Variants in THSD7B observed in about 807,000 individuals in gnomAD.
THSD7B encodes the protein thrombospondin type-1 domain-containing protein 7B.
In THSD7B, 138 loss-of-function variants were observed where a neutral mutation model predicts 213.6. The ratio of observed to expected loss-of-function variants is 0.65; its 90% CI spans 0.56 to 0.74. THSD7B has a LOEUF of 0.74. THSD7B is among the 30% of genes least tolerant of loss of function. The pLI is 0.00. For missense variants in THSD7B, 1,931 were observed against 1,991.5 expected, an observed-to-expected ratio of 0.97 and a Z score of 0.58; for synonymous variants, 742 against 687.0, an observed-to-expected ratio of 1.08 and a Z score of -1.25.
intron 3 of THSD7B, among the ~76,000 whole-genome samples, chr2:137,081,331 A>T (rs933442768): frequency 6.6e-6 from 1 of 152,060 alleles, no homozygotes; most frequent in African/African-American, 2.4e-5. Context: ...AAATATAGGT[A>T]TGTTGGACTA....
intron 26 of THSD7B, among the ~76,000 whole-genome samples, chr2:137,666,188 T>C (rs1348570023): frequency 6.6e-6 from 1 of 152,086 alleles, no homozygotes; most frequent in Admixed American, 6.5e-5. Flanking sequence ...ACCTCTAAAC[T>C]GAGTATTTAA....
At chr2:136,934,290 A>G (rs1405558395) in intron 2 of THSD7B, among the ~76,000 whole-genome samples, 2 of 152,178 alleles carry the variant, frequency 1.3e-5, no homozygotes, top group Admixed American at 6.5e-5. Flanking sequence ...GCATTGCCAC[A>G]TATTTTTATT....
intron 1 of THSD7B, among the ~76,000 whole-genome samples, chr2:136,876,536 AG>A (rs1401656739): frequency 6.6e-6 from 1 of 152,208 alleles, no homozygotes; most frequent in Non-Finnish European, 1.5e-5. Context: ...ACCATTCCGT[AG>A]AAGTGGAGTG....
intron 26 of THSD7B, among the ~76,000 whole-genome samples, chr2:137,666,103 C>G (rs1418667561): frequency 6.6e-6 from 1 of 151,980 alleles, no homozygotes; most frequent in Non-Finnish European, 1.5e-5. Context: ...TTTAGCCTAT[C>G]TTTTTTTATG....
intron 2 of THSD7B, among the ~76,000 whole-genome samples, chr2:136,883,553 A>G (rs73957601): frequency 0.012 from 1,756 of 152,252 alleles, 38 homozygotes; most frequent in African/African-American, 0.04. Context: ...TAATCACAAA[A>G]GATGAACATT....
intron 1 of THSD7B, among the ~76,000 whole-genome samples, chr2:136,869,902 TC>T (rs1683403174): frequency 6.6e-6 from 1 of 152,066 alleles, no homozygotes; most frequent in African/African-American, 2.4e-5. Flanking sequence ...TGAAACTCCA[TC>T]TATACTAAAA....
chr2:136,945,971 G>A (rs1381319552), intron 2 of THSD7B, among the ~76,000 whole-genome samples: 3 of 152,112 alleles, frequency 2.0e-5, no homozygotes, highest in East Asian at 3.9e-4. Context: ...TCAGCTTGTC[G>A]AAGTCATTCT....
intron 15 of THSD7B, among the ~76,000 whole-genome samples, chr2:137,455,911 C>A (rs1306382510): frequency 6.6e-6 from 1 of 152,148 alleles, no homozygotes; most frequent in Non-Finnish European, 1.5e-5. Context: ...ACTTACATTT[C>A]CCTTTATGAG....
rs150333422 is a variant in THSD7B, at chr2:137,484,021, T to A, written c.3138+32998T>A. On this transcript the variant is annotated intron_variant, in intron 15 of 27. Transcript: ENST00000409968. Reference sequence around the variant, plus strand: ...CTCGGTTTGAGGTTTCTTTTTTTTTTATTTTATTATTATTATACTTTAAGT... The same window carrying A: ...CTCGGTTTGAGGTTTCTTTTTTTTTAATTTTATTATTATTATACTTTAAGT... Among the ~76,000 whole-genome samples, 261 of 148,522 alleles carry A rather than the reference T, an allele frequency of 1.8e-3. 1 individual carries two copies. The highest frequency in any genetic ancestry group is 6.2e-3 in the African/African-American group (249 of 40,322).
At chr2:137,235,438 A>G (rs1229367129) in intron 9 of THSD7B, among the ~76,000 whole-genome samples, 2 of 152,114 alleles carry the variant, frequency 1.3e-5, no homozygotes, top group Non-Finnish European at 2.9e-5. Flanking sequence ...TAGCTTGTTT[A>G]TTTTTTAGCA....
At chr2:137,668,964 C>A (rs948927288) in intron 27 of THSD7B, among the ~76,000 whole-genome samples, 11 of 152,078 alleles carry the variant, frequency 7.2e-5, no homozygotes, top group African/African-American at 2.7e-4. Context: ...AGAAATTCTG[C>A]ATATAAGTTG....
At chr2:137,615,342 A>G (rs546987395) in intron 17 of THSD7B, among the ~76,000 whole-genome samples, 1 of 152,322 alleles carries the variant, frequency 6.6e-6, no homozygotes, top group Admixed American at 6.5e-5. Context: ...TATTGTTAGA[A>G]AAAAGACTGA....
chr2:137,625,550 G>A (rs559634316), intron 20 of THSD7B, among the ~76,000 whole-genome samples: 13 of 152,240 alleles, frequency 8.5e-5, no homozygotes, highest in African/African-American at 3.1e-4. Context: ...TAGCAGGACA[G>A]GCATGAAATG....
At chr2:137,325,436 C>T (rs1021192622) in intron 12 of THSD7B, among the ~76,000 whole-genome samples, 4 of 152,126 alleles carry the variant, frequency 2.6e-5, no homozygotes, top group Non-Finnish European at 5.9e-5. Context: ...TGGTGGGCTT[C>T]GCTGGACCTG....
intron 7 of THSD7B, among the ~76,000 whole-genome samples, chr2:137,172,358 G>A (rs1192361880): frequency 6.6e-6 from 1 of 152,136 alleles, no homozygotes; most frequent in Non-Finnish European, 1.5e-5. Context: ...TAGAAGCTTA[G>A]GTATTTCAGT....
intron 7 of THSD7B, among the ~76,000 whole-genome samples, chr2:137,202,904 A>T (rs1680908469): frequency 6.6e-6 from 1 of 152,172 alleles, no homozygotes; most frequent in African/African-American, 2.4e-5. Flanking sequence ...AGTTGGATAG[A>T]TAACAGATGT....
intron 17 of THSD7B, among the ~76,000 whole-genome samples, chr2:137,581,766 A>AT (rs1681580805): frequency 7.1e-6 from 1 of 141,528 alleles, no homozygotes; most frequent in African/African-American, 2.6e-5. Context: ...TCTCAAAAAA[A>AT]AAAATAAAAA....
chr2:137,314,401 C>T (rs1369596943), intron 12 of THSD7B, among the ~76,000 whole-genome samples: 1 of 152,150 alleles, frequency 6.6e-6, no homozygotes, highest in Non-Finnish European at 1.5e-5. Context: ...TCTAGTTATA[C>T]ATTCTTCTAA....
chr2:137,553,177 A>C (rs564017859), intron 15 of THSD7B, among the ~76,000 whole-genome samples: 7 of 152,272 alleles, frequency 4.6e-5, no homozygotes, highest in Admixed American at 3.9e-4. Context: ...TATTGAGTAG[A>C]CACAATGCCC....
Sources: gnomAD v4.1 joint callset for allele counts (sites outside exome capture counted in the v4.1 genomes callset) on GRCh38, gnomAD v4.1.1 for gene constraint, MANE v1.5 for transcripts, NCBI Gene and HGNC (gene_info 2026-07-23, HGNC 2026-07-21) for gene names.